Variants in GPM6A observed in about 807,000 individuals in gnomAD.
The protein encoded by GPM6A is neuronal membrane glycoprotein M6-a.
GPM6A carries 7 observed loss-of-function variants against 32.1 expected under a neutral mutation model. The ratio of observed to expected loss-of-function variants is 0.22; its 90% CI spans 0.12 to 0.41. GPM6A has a LOEUF of 0.41. Among genes scored for constraint, GPM6A ranks in the 10% least tolerant of loss-of-function variants. The pLI, the probability that GPM6A is intolerant of heterozygous loss-of-function variation, is 1.00. For synonymous variants in GPM6A, 130 were observed against 123.4 expected (o/e 1.05, Z -0.35); for missense variants, 235 against 347.2 (o/e 0.68, Z 2.57).
rs903074659 is a variant in GPM6A at position 175,983,836 on chromosome 4, T to C, written c.-23+18473A>G. Among the ~76,000 whole-genome samples the C allele has an allele frequency of 2.6e-5, 4 of 152,302 alleles. No homozygotes were observed. The East Asian group carries it at 7.7e-4, about 29-fold the overall frequency. ...GTTATTCTTTCTTTCTGGCAGGTTTTGTGATAGAACTGCTGCTATTATATT... is the reference window on the plus strand; with the variant it reads ...GTTATTCTTTCTTTCTGGCAGGTTTCGTGATAGAACTGCTGCTATTATATT... On this transcript the variant is annotated intron_variant, in intron 1 of 7. Transcript: ENST00000280187.
At chr4:175,963,666 C>A (rs1740239412) in intron 1 of GPM6A, among the ~76,000 whole-genome samples, 1 of 151,906 alleles carries the variant, frequency 6.6e-6, no homozygotes, top group African/African-American at 2.4e-5. Context: ...AGATCAGAAA[C>A]CTGGATCTAC....
intron 1 of GPM6A, among the ~76,000 whole-genome samples, chr4:175,893,444 A>G (rs1737705938): frequency 6.6e-6 from 1 of 152,200 alleles, no homozygotes; most frequent in Admixed American, 6.5e-5. Flanking sequence ...TAATAAAAGC[A>G]TGGAGTACCT....
At chr4:175,693,183 C>T (rs17061801) in intron 2 of GPM6A, among the ~76,000 whole-genome samples, 7,145 of 151,386 alleles carry the variant, frequency 0.047, 203 homozygotes, top group Non-Finnish European at 0.063. Flanking sequence ...GTGAGTGGCA[C>T]GTAGTATCAC....
chr4:175,634,421 G>A lies in GPM6A; in HGVS notation c.*484C>T, dbSNP rs1035346747. On this transcript the variant is annotated 3_prime_UTR_variant, in exon 7 of 7. Coordinates refer to ENST00000393658, the MANE Select transcript of GPM6A (RefSeq NM_201591.3). ...CAGACAAAATTTCCATATTTCAAGA[G>A]TCATCAAGATGTAATCTCTATCTAT... is the stretch of plus-strand genomic sequence containing the variant. 5.9e-5 allele frequency: 9 copies of A among 152,730 alleles called. No individual in the cohort carries two copies. The highest frequency in any genetic ancestry group is 2.2e-4 in the African/African-American group (9 of 41,380). 9.5% of individuals were successfully genotyped at this position (152,730 alleles called of 1,614,324 possible). A position where few individuals can be genotyped will look rare whatever the true frequency, so the allele number is the denominator to read the frequency against.
rs1733326980 is a variant in GPM6A at position 175,774,783 on chromosome 4, C to CA, written c.37+37407dup. 2.6e-5 allele frequency among the ~76,000 whole-genome samples: 4 copies of CA among 152,060 alleles called. No homozygotes were observed. The South Asian group carries it at 8.3e-4, about 31-fold the overall frequency. Reference sequence around the variant, plus strand: ...TCAGTCATGGCTGTCTAATGAAGGACATTTTTCCTGGGAAAGCTTAACAAA... The same window carrying CA: ...TCAGTCATGGCTGTCTAATGAAGGACAATTTTTCCTGGGAAAGCTTAACAAA... On this transcript the variant is annotated intron_variant, in intron 1 of 6. Coordinates refer to ENST00000393658, the MANE Select transcript of GPM6A (RefSeq NM_201591.3).
At chr4:175,703,002 G>A (rs990769348) in intron 1 of GPM6A, among the ~76,000 whole-genome samples, 5 of 152,056 alleles carry the variant, frequency 3.3e-5, no homozygotes, top group Non-Finnish European at 7.4e-5. Flanking sequence ...TGTGGTTTTT[G>A]CCAAATTTAT....
chr4:175,955,512 G>A (rs1007741150), intron 1 of GPM6A, among the ~76,000 whole-genome samples: 1 of 152,132 alleles, frequency 6.6e-6, no homozygotes, highest in Non-Finnish European at 1.5e-5. Context: ...TGTATCACAT[G>A]TTCAAATACA....
intron 1 of GPM6A, among the ~76,000 whole-genome samples, chr4:175,854,351 C>A (rs1736353008): frequency 6.6e-6 from 1 of 152,100 alleles, no homozygotes; most frequent in African/African-American, 2.4e-5. Flanking sequence ...CTCTTTTTAT[C>A]TGATAGCAAT....
rs1356804780 is a variant in GPM6A, at chr4:175,883,720, AGAACGT to A, written c.-22-71477_-22-71472del. On this transcript the variant is annotated intron_variant, in intron 1 of 7. Coordinates refer to the GPM6A transcript ENST00000280187. ...GAACAATAGATTTGGTTTTTAAGCA[AGAACGT>A]GTCAGTTTCAAAACTGTGTCTCAAA... Among the ~76,000 whole-genome samples the A allele has an allele frequency of 2.6e-5, 4 of 152,292 alleles. No individual in the cohort carries two copies. In the East Asian group the frequency reaches 7.7e-4, roughly 29 times the overall value.
At chr4:175,687,889 G>T (rs1354956866) in intron 2 of GPM6A, among the ~76,000 whole-genome samples, 1 of 152,092 alleles carries the variant, frequency 6.6e-6, no homozygotes, top group Non-Finnish European at 1.5e-5. Context: ...TTATAAGTGC[G>T]AGGTGACAGC....
chr4:175,769,861 A>G (rs181772829), intron 1 of GPM6A, among the ~76,000 whole-genome samples: 12 of 152,356 alleles, frequency 7.9e-5, no homozygotes, highest in Admixed American at 2.0e-4. Context: ...AATCATAGAT[A>G]GTCTCAATTG....
intron 2 of GPM6A, among the ~76,000 whole-genome samples, chr4:175,694,745 G>C (rs1319933878): frequency 1.3e-5 from 2 of 152,192 alleles, no homozygotes; most frequent in Admixed American, 6.5e-5. Flanking sequence ...ATTCAAGCAG[G>C]CTGCAGAAAT....
intron 1 of GPM6A, among the ~76,000 whole-genome samples, chr4:175,745,830 G>A (rs1732081772): frequency 6.6e-6 from 1 of 152,090 alleles, no homozygotes; most frequent in African/African-American, 2.4e-5. Flanking sequence ...AGGAGATGGG[G>A]GTCAAGTTGG....
At chr4:175,954,689 C>A (rs1194365021) in intron 1 of GPM6A, among the ~76,000 whole-genome samples, 1 of 152,192 alleles carries the variant, frequency 6.6e-6, no homozygotes. Flanking sequence ...TGAGGTTGCA[C>A]CCGTGTCTTA....
chr4:175,812,475 A>G (rs1175212652), upstream of GPM6A: 3 of 1,226,882 alleles, frequency 2.4e-6, no homozygotes, highest in Non-Finnish European at 2.0e-6. Context: ...AAGATTATCA[A>G]TTTTTCTTCT....
At chr4:175,806,458 T>C (rs1269285537) in intron 1 of GPM6A, among the ~76,000 whole-genome samples, 4 of 152,228 alleles carry the variant, frequency 2.6e-5, no homozygotes, top group Non-Finnish European at 5.9e-5. Context: ...AATCTATTCA[T>C]ATCCTTCATC....
intron 1 of GPM6A, among the ~76,000 whole-genome samples, chr4:175,759,297 C>CAG (rs1553986326): frequency 1.3e-5 from 2 of 150,576 alleles, no homozygotes; most frequent in African/African-American, 4.9e-5. Context: ...TTGAGGAATA[C>CAG]GGGGGGGGCA....
chr4:175,867,466 A>G (rs907113213), intron 1 of GPM6A, among the ~76,000 whole-genome samples: 1 of 152,026 alleles, frequency 6.6e-6, no homozygotes. Flanking sequence ...TGTTTTACCT[A>G]GGGATGTACA....
At chr4:175,711,527 G>C (rs1273613125) in intron 1 of GPM6A, among the ~76,000 whole-genome samples, 3 of 138,298 alleles carry the variant, frequency 2.2e-5, no homozygotes, top group African/African-American at 8.1e-5. Flanking sequence ...ATACATATAT[G>C]TATGTATATA....
Sources: gnomAD v4.1 joint callset for allele counts (sites outside exome capture counted in the v4.1 genomes callset) on GRCh38, gnomAD v4.1.1 for gene constraint, MANE v1.5 for transcripts, NCBI Gene and HGNC (gene_info 2026-07-23, HGNC 2026-07-21) for gene names.